The following MSL3 variants were observed in gnomAD, a reference collection of about 807,000 sequenced individuals.
The protein encoded by MSL3 is MSL3-like 1.
A neutral mutation model predicts 37.2 loss-of-function variants in MSL3; 5 were observed. That is an observed-to-expected ratio of 0.13 (90% CI 0.07 to 0.28). The LOEUF (loss-of-function observed/expected upper bound fraction) is 0.28, where lower values mean the gene tolerates loss of function less well. MSL3 is among the 10% of genes least tolerant of loss of function. The pLI is 1.00. For synonymous variants in MSL3, 149 were observed against 147.6 expected (o/e 1.01, Z -0.07); for missense variants, 315 against 408.5 (o/e 0.77, Z 1.97).
At chrX:11,768,746 G>A in intron 10 of MSL3, 64 bp downstream of exon 10, 1 of 756,542 alleles carries the variant, frequency 1.3e-6, no homozygotes, top group East Asian at 3.2e-5. Flanking sequence ...AATTCTATAG[G>A]TGGAAGTCAA....
chrX:11,765,787 G>A, intron 9 of MSL3, 58 bp downstream of exon 9: 1 of 1,190,282 alleles, frequency 8.4e-7, no homozygotes. Context: ...TTTGTGTTTA[G>A]TCAGTGCCAG....
Position 11,760,873 on chromosome X carries a change from G to A in MSL3, c.318G>A (p.Leu106=). ...STGRKKKRCR[L]PGVDSVLKGL... ...GAAGAAAGAAGAAGCGCTGCAGGTTGCCTGGTGTGGACTCTGTCTTAAAAG... is the reference window on the plus strand; with the variant it reads ...GAAGAAAGAAGAAGCGCTGCAGGTTACCTGGTGTGGACTCTGTCTTAAAAG... The change falls in exon 4 of 13, where the codon TTG becomes TTA. Residue 106 remains leucine, a synonymous_variant. Coordinates refer to ENST00000312196, the MANE Select transcript of MSL3 (RefSeq NM_078629.4). The A allele has an allele frequency of 8.3e-7, 1 of 1,201,551 alleles. No individual in the cohort carries two copies.
chrX:11,761,466 A>T (rs2053132029), intron 4 of MSL3, 34 bp from the exon 5 acceptor site: 3 of 1,027,778 alleles, frequency 2.9e-6, no homozygotes, highest in African/African-American at 3.8e-5. Context: ...GAAGTATAAA[A>T]TGCGAGTTTA....
At chrX:11,763,655 T>C in intron 7 of MSL3, 125 bp from the exon 8 acceptor site, 1 of 476,322 alleles carries the variant, frequency 2.1e-6, no homozygotes, top group Admixed American at 3.5e-5. Context: ...ATTTTGTGTG[T>C]ATGTAGGTGT....
intron 1 of MSL3, chrX:11,758,798 C>T (rs185261907): frequency 0.027 from 31,628 of 1,156,259 alleles, 1,470 homozygotes; most frequent in African/African-American, 0.26. Context: ...TTACACGGCG[C>T]TGGCCGCTGA....
chrX:11,769,108 C>G (rs2053210600), intron 10 of MSL3: 1 of 114,217 alleles, frequency 8.8e-6, no homozygotes, highest in African/African-American at 3.2e-5. Flanking sequence ...TGAAATTTGA[C>G]TAGCATTTAA....
rs770348436 is a variant in MSL3 at position 11,771,807 on chromosome X, C to T, written c.1282-349C>T. Reference sequence around the variant, plus strand: ...TGTTGGCCAGGCTGGTCTCAAGCTCCCGACCGCAGTTGATCCACACACCTC... The same window carrying T: ...TGTTGGCCAGGCTGGTCTCAAGCTCTCGACCGCAGTTGATCCACACACCTC... On this transcript the variant is annotated intron_variant, in intron 10 of 12. Transcript: ENST00000312196. 2.7e-5 allele frequency among the ~76,000 whole-genome samples: 3 copies of T among 111,795 alleles called. No individual in the cohort carries two copies. The South Asian group carries it at 1.1e-3, about 42-fold the overall frequency.
At chrX:11,763,506 T>C (rs1425123866) in intron 7 of MSL3, among the ~76,000 whole-genome samples, 4 of 112,869 alleles carry the variant, frequency 3.5e-5, no homozygotes, top group Non-Finnish European at 7.5e-5. Flanking sequence ...TGTCCACTTT[T>C]GCAGCACAGG....
chrX:11,774,191 T>A (rs185777812), intron 12 of MSL3, among the ~76,000 whole-genome samples: 1 of 112,838 alleles, frequency 8.9e-6, no homozygotes, highest in East Asian at 2.8e-4. Context: ...TGTTTTGGCA[T>A]GGCAAATTAG....
In MSL3 at chrX:11,765,692, C is replaced by T. The variant is rs145217094; in HGVS notation, c.1134C>T (p.Ser378=). Residue 378 remains serine (S), a synonymous_variant, in exon 9 of 13, where the codon TCC becomes TCT. Transcript: ENST00000312196. The part of the protein sequence containing the change: ...PQPKRRQQDT[S]ASMPKLFLHL... Reference sequence around the variant, plus strand: ...CCAAGCGCCGGCAGCAGGACACATCCGCCAGCATGCCCAAGCTCTTCCTGC... The same window carrying T: ...CCAAGCGCCGGCAGCAGGACACATCTGCCAGCATGCCCAAGCTCTTCCTGC... 115 of 1,210,768 alleles carry T rather than the reference C, an allele frequency of 9.5e-5. No homozygotes were observed. In the African/African-American group the frequency reaches 1.1e-3, roughly 12 times the overall value.
At chrX:11,759,509 C>T in intron 1 of MSL3, 1 of 735,714 alleles carries the variant, frequency 1.4e-6, no homozygotes, top group Non-Finnish European at 1.8e-6. Flanking sequence ...TTTCATCTAG[C>T]CTGGAGTCTC....
At chrX:11,774,312 T>C (rs1287132008) in intron 12 of MSL3, among the ~76,000 whole-genome samples, 2 of 111,926 alleles carry the variant, frequency 1.8e-5, no homozygotes, top group Non-Finnish European at 3.8e-5. Flanking sequence ...TTTTTTATTT[T>C]TTATTTTGTT....
chrX:11,758,598 G>A, intron 1 of MSL3: 1 of 1,130,941 alleles, frequency 8.8e-7, no homozygotes, highest in Admixed American at 2.9e-5. Context: ...GCGGTTGGGA[G>A]CCTCGCCCAT....
intron 12 of MSL3, among the ~76,000 whole-genome samples, chrX:11,773,399 G>C (rs769585748): frequency 2.0e-4 from 22 of 111,880 alleles, no homozygotes; most frequent in African/African-American, 7.1e-4. Flanking sequence ...TCTCTTTAAG[G>C]AGTATCTCTT....
chrX:11,768,759 T>C (rs2053207429), intron 10 of MSL3, 77 bp downstream of exon 10: 1 of 660,653 alleles, frequency 1.5e-6, no homozygotes, highest in South Asian at 2.4e-5. Flanking sequence ...GAAGTCAAGG[T>C]TCTTAAAGCA....
intron 9 of MSL3, chrX:11,767,101 C>T: frequency 1.3e-6 from 1 of 754,277 alleles, no homozygotes; most frequent in Non-Finnish European, 1.6e-6. Flanking sequence ...CCATAAGCTC[C>T]TGAGAGAAAG....
At chrX:11,774,823 G>A (rs1348303202) in intron 12 of MSL3, among the ~76,000 whole-genome samples, 157 bp from the exon 13 acceptor site, 2 of 111,600 alleles carry the variant, frequency 1.8e-5, no homozygotes, top group East Asian at 5.5e-4. Flanking sequence ...GATAAGTGCA[G>A]TGAAAATAAT....
In MSL3 at chrX:11,772,146, C is replaced by CT. The variant is rs1259718635; in HGVS notation, c.1282-5dup. The CT allele has an allele frequency of 8.4e-7, 1 of 1,185,454 alleles. No homozygotes were observed. The highest frequency in any genetic ancestry group is 1.1e-6 in the Non-Finnish European group (1 of 874,076). ...GAATAACAAAAGCATTCAATTCGTG[C>CT]TTTTTCCAGGTCCTCTCCTGGAAGC... On this transcript the variant is annotated splice_polypyrimidine_tract_variant and intron_variant, in intron 10 of 12. Coordinates refer to ENST00000312196, the MANE Select transcript of MSL3 (RefSeq NM_078629.4).
At chrX:11,770,301 A>G (rs2053221687) in intron 10 of MSL3, among the ~76,000 whole-genome samples, 1 of 111,656 alleles carries the variant, frequency 9.0e-6, no homozygotes, top group Non-Finnish European at 1.9e-5. Context: ...AGGTTAGGAA[A>G]TCCCTAGTTC....
Sources: gnomAD v4.1 joint callset for allele counts (sites outside exome capture counted in the v4.1 genomes callset) on GRCh38, gnomAD v4.1.1 for gene constraint, MANE v1.5 for transcripts, NCBI Gene and HGNC (gene_info 2026-07-23, HGNC 2026-07-21) for gene names.